Variants in BRSK2 observed in about 807,000 individuals in gnomAD.
BRSK2 encodes the protein BR serine/threonine kinase 2, also known as serine/threonine-protein kinase BRSK2.
In BRSK2, 19 loss-of-function variants were observed where a neutral mutation model predicts 83.3. The observed-to-expected ratio is 0.23, with a 90% CI of 0.16 to 0.33. The LOEUF is 0.33. Among genes scored for constraint, BRSK2 ranks in the 10% least tolerant of loss-of-function variants. The pLI is 1.00. For synonymous variants in BRSK2, 519 were observed against 435.4 expected (o/e 1.19, Z -2.39); for missense variants, 798 against 1,042.3 (o/e 0.77, Z 3.23).
Position 1,398,974 on chromosome 11 carries a change from C to T in BRSK2, c.91+8599C>T, listed in dbSNP as rs558303008. Among the ~76,000 whole-genome samples the T allele has an allele frequency of 9.2e-5, 14 of 152,352 alleles. No homozygotes were observed. The South Asian group carries it at 2.5e-3, about 27-fold the overall frequency. ...TCCCTGGCTTTCGTCCTGCGCCGTC[C>T]TGGGTCTTTGGGTCCCTCTGCCAGC... On this transcript the variant is annotated intron_variant, in intron 1 of 19. Transcript: ENST00000528841.
chr11:1,454,909 G>C lies in BRSK2; in HGVS notation c.1668+301G>C, dbSNP rs1846291901. Among the ~76,000 whole-genome samples, 1 of 152,168 alleles carries C rather than the reference G, an allele frequency of 6.6e-6. No homozygotes were observed. Among genetic ancestry groups the C allele is most frequent in the South Asian group, 2.1e-4 (1 of 4,830 alleles). On this transcript the variant is annotated intron_variant, in intron 16 of 19. Transcript: ENST00000528841. The surrounding 1 kb of genome is among the most constrained non-coding windows in gnomAD (Gnocchi z 5.2). ...CAGGCCTGGGCAGCTGGCACGTGGG[G>C]CAGAAGGAAGGCTCCAGCTGGGTGG... is the stretch of plus-strand genomic sequence containing the variant.
chr11:1,459,111 C>CGAGGCT, intron 18 of BRSK2, 81 bp from the exon 19 acceptor site: 1 of 1,402,680 alleles, frequency 7.1e-7, no homozygotes, highest in South Asian at 1.2e-5. Flanking sequence ...CCCTCCCCAT[C>CGAGGCT]GAGGCTGTGG....
chr11:1,452,415 C>G (rs1228772077), intron 15 of BRSK2, among the ~76,000 whole-genome samples: 1 of 152,244 alleles, frequency 6.6e-6, no homozygotes, highest in African/African-American at 2.4e-5. Context: ...CCTGACATTG[C>G]CGTTTCTGCT....
chr11:1,439,856 T>C (rs1480139313), intron 3 of BRSK2, among the ~76,000 whole-genome samples: 1 of 148,486 alleles, frequency 6.7e-6, no homozygotes, highest in Non-Finnish European at 1.5e-5. Context: ...TCCCCTGCCC[T>C]GGGGGCTTCA....
chr11:1,448,416 T>C (rs1159817196), intron 12 of BRSK2, among the ~76,000 whole-genome samples: 1 of 152,182 alleles, frequency 6.6e-6, no homozygotes, highest in East Asian at 1.9e-4. Context: ...CTCACCTGTG[T>C]GCCCTCACTC....
intron 1 of BRSK2, chr11:1,410,739 C>T (rs746255566): frequency 1.3e-4 from 132 of 985,204 alleles, no homozygotes; most frequent in Non-Finnish European, 1.6e-4. Flanking sequence ...GGAGGCTGGT[C>T]CTCCATTCTC....
At chr11:1,443,013 G>T in intron 5 of BRSK2, 93 bp from the exon 6 acceptor site, 1 of 1,385,140 alleles carries the variant, frequency 7.2e-7, no homozygotes, top group South Asian at 1.4e-5. Flanking sequence ...AGCCCTGGAG[G>T]CCTCCTTGAG....
rs1251922536 is a variant in BRSK2 at position 1,411,720 on chromosome 11, G to A, written c.91+21345G>A. ...GGGATGCAGCCCCCACGGCAGGGAC[G>A]GGGGACCTCGCCAGCACTGGTGGGC... On this transcript the variant is annotated intron_variant, in intron 1 of 19. Coordinates refer to ENST00000528841, the MANE Select transcript of BRSK2 (RefSeq NM_001256627.2). The A allele has an allele frequency of 3.0e-5, 46 of 1,511,332 alleles. No individual in the cohort carries two copies. The East Asian group carries it at 4.7e-4, about 15-fold the overall frequency. 93.6% of individuals were successfully genotyped at this position (1,511,332 alleles called of 1,614,324 possible).
At chr11:1,396,650 T>C (rs1846143229) in intron 1 of BRSK2, among the ~76,000 whole-genome samples, 1 of 152,260 alleles carries the variant, frequency 6.6e-6, no homozygotes, top group South Asian at 2.1e-4. Flanking sequence ...TGAGGGCTTC[T>C]GTGCCTTCCA....
At chr11:1,448,741 T>C (rs1005401892) in intron 12 of BRSK2, among the ~76,000 whole-genome samples, 5 of 152,206 alleles carry the variant, frequency 3.3e-5, no homozygotes, top group African/African-American at 1.2e-4. Context: ...CAGGCTGGGT[T>C]GTGCATGGGG....
intron 1 of BRSK2, among the ~76,000 whole-genome samples, chr11:1,405,606 G>T (rs984622550): frequency 6.6e-6 from 1 of 152,076 alleles, no homozygotes; most frequent in Non-Finnish European, 1.5e-5. Flanking sequence ...ACCGACCAGC[G>T]GCGCCAGCTA....
At chr11:1,439,192 C>T (rs1395927194) in intron 3 of BRSK2, among the ~76,000 whole-genome samples, 1 of 152,140 alleles carries the variant, frequency 6.6e-6, no homozygotes, top group East Asian at 1.9e-4. Context: ...GGGGGCTGCC[C>T]TCAGGGTGAG....
intron 1 of BRSK2, among the ~76,000 whole-genome samples, chr11:1,426,026 C>T (rs1849170351): frequency 6.6e-6 from 1 of 152,254 alleles, no homozygotes; most frequent in South Asian, 2.1e-4. Context: ...CCAGCCTTCC[C>T]CCTAAACCCA....
chr11:1,461,012 C>T lies in BRSK2; in HGVS notation c.*289C>T, dbSNP rs756441810. 5 of 1,611,868 alleles carry T rather than the reference C, an allele frequency of 3.1e-6. No homozygotes were observed. The highest frequency in any genetic ancestry group is 3.4e-6 in the Non-Finnish European group (4 of 1,179,292). On this transcript the variant is annotated 3_prime_UTR_variant, in exon 20 of 20. Coordinates refer to ENST00000528841, the MANE Select transcript of BRSK2 (RefSeq NM_001256627.2). ...TAACATGTCACCTCCACGAGGCCAT[C>T]CTCTGTGACCGAAGGCAGCTGCTGC...
At chr11:1,404,702 G>A (rs902275410) in intron 1 of BRSK2, among the ~76,000 whole-genome samples, 1 of 152,164 alleles carries the variant, frequency 6.6e-6, no homozygotes, top group African/African-American at 2.4e-5. Flanking sequence ...TAGGAGCAAC[G>A]GGCGTGGGCT....
At chr11:1,460,176 C>G (rs1438543349) in intron 19 of BRSK2, among the ~76,000 whole-genome samples, 1 of 152,146 alleles carries the variant, frequency 6.6e-6, no homozygotes, top group Non-Finnish European at 1.5e-5. Flanking sequence ...CTCGCTTCGC[C>G]AAAGGAGCAC....
chr11:1,390,392 C>A lies in BRSK2; in HGVS notation c.91+17C>A. On this transcript the variant is annotated intron_variant, in intron 1 of 19. Coordinates refer to ENST00000528841, the MANE Select transcript of BRSK2 (RefSeq NM_001256627.2). This position sits in a 1 kb window ranked among gnomAD's most constrained non-coding sequence, Gnocchi z 6.8. Reference sequence around the variant, plus strand: ...GGCAGACAGGTGCGTGCGGCCGGGGCGGGGACCGGGGCCGGGGAGGCCGCG... The same window carrying A: ...GGCAGACAGGTGCGTGCGGCCGGGGAGGGGACCGGGGCCGGGGAGGCCGCG... 2 of 997,902 alleles carry A rather than the reference C, an allele frequency of 2.0e-6. No individual in the cohort carries two copies. Among genetic ancestry groups the A allele is most frequent in the Non-Finnish European group, 2.4e-6 (2 of 831,098 alleles). The allele number at this position is 997,902 out of a possible 1,614,324, so 61.8% of individuals were successfully genotyped here.
rs560073666 is a variant in BRSK2 at position 1,416,242 on chromosome 11, C to T, written c.92-19798C>T. On this transcript the variant is annotated intron_variant, in intron 1 of 19. Transcript: ENST00000528841. Reference sequence around the variant, plus strand: ...GTAACTCTTAAGAGTACGGAGGGTCCTGAGGCTGGGGGGTCTCGTGGGCAC... The same window carrying T: ...GTAACTCTTAAGAGTACGGAGGGTCTTGAGGCTGGGGGGTCTCGTGGGCAC... 6.6e-5 allele frequency among the ~76,000 whole-genome samples: 10 copies of T among 152,354 alleles called. No homozygotes were observed. The South Asian group carries it at 2.1e-3, about 32-fold the overall frequency.
intron 15 of BRSK2, among the ~76,000 whole-genome samples, chr11:1,452,204 T>C (rs1458549681): frequency 6.6e-6 from 1 of 152,182 alleles, no homozygotes; most frequent in African/African-American, 2.4e-5. Flanking sequence ...CTGCTGGCTT[T>C]AAACCAGGGG....
Sources: gnomAD v4.1 joint callset for allele counts (sites outside exome capture counted in the v4.1 genomes callset) on GRCh38, gnomAD v4.1.1 for gene constraint, Gnocchi (gnomAD v3.1) non-coding constraint, MANE v1.5 for transcripts, NCBI Gene and HGNC (gene_info 2026-07-23, HGNC 2026-07-21) for gene names.